The following MTCL1 variants were observed in gnomAD, a reference collection of about 807,000 sequenced individuals.
The protein encoded by MTCL1 is microtubule crosslinking factor 1.
A neutral mutation model predicts 141.4 loss-of-function variants in MTCL1; 79 were observed. The observed-to-expected ratio is 0.56, with a 90% CI of 0.47 to 0.67. The LOEUF is 0.67. Among genes scored for constraint, MTCL1 ranks in the 30% least tolerant of loss-of-function variants. The pLI, the probability that MTCL1 is intolerant of heterozygous loss-of-function variation, is 0.00. For synonymous variants in MTCL1, 914 were observed against 875.8 expected (o/e 1.04, Z -0.77); for missense variants, 2,177 against 2,113.9 (o/e 1.03, Z -0.59).
At position 8,793,043 on chromosome 18, in the gene MTCL1, G is replaced by A. The variant is rs759466224; in HGVS notation, c.1933G>A (p.Glu645Lys). 4 of 1,614,018 alleles carry A rather than the reference G, an allele frequency of 2.5e-6. No individual in the cohort carries two copies. The South Asian group carries it at 4.4e-5, about 18-fold the overall frequency. Residue 645 changes from glutamate (E) to lysine (K), a missense_variant, in exon 8 of 17, where the codon GAG (glutamate) becomes AAG (lysine). Glu to Lys is a moderately conservative substitution (Grantham distance 56). Coordinates refer to ENST00000359865, the Ensembl canonical transcript of MTCL1. The stretch of plus-strand genomic sequence containing the variant: ...ACCTGAGCAGAGTGTATCCATAGAG[G>A]AGCTACAGGGTCAGCTCGTGCAGGC...
intron 7 of MTCL1, chr18:8,789,487 T>C (rs1182960858): frequency 2.0e-6 from 2 of 985,336 alleles, no homozygotes; most frequent in African/African-American, 3.5e-5. Flanking sequence ...TGGGAAGTAA[T>C]TTGTAAGCCA....
chr18:8,780,472 C>T (rs1427722198), intron 5 of MTCL1, among the ~76,000 whole-genome samples: 1 of 152,236 alleles, frequency 6.6e-6, no homozygotes, highest in East Asian at 1.9e-4. Flanking sequence ...GCTGAGTTTC[C>T]TTGCAGCTGG....
chr18:8,749,724 C>T (rs974118537), intron 4 of MTCL1, among the ~76,000 whole-genome samples: 11 of 152,040 alleles, frequency 7.2e-5, no homozygotes, highest in Non-Finnish European at 1.0e-4. Context: ...GGCCCTGGAC[C>T]CCAGCGAACA....
At chr18:8,765,691 G>A (rs2096456638) in intron 4 of MTCL1, among the ~76,000 whole-genome samples, 1 of 152,196 alleles carries the variant, frequency 6.6e-6, no homozygotes, top group African/African-American at 2.4e-5. Context: ...TCTCTTTTGG[G>A]TGGGAGTGAT....
chr18:8,706,315 C>G (rs1476785905), exon 1 of MTCL1: 2 of 1,230,294 alleles, frequency 1.6e-6, no homozygotes, highest in Non-Finnish European at 2.0e-6. Flanking sequence ...CCCCTCCGAA[C>G]CCCTGTCCGA....
intron 4 of MTCL1, among the ~76,000 whole-genome samples, chr18:8,751,175 CTG>C (rs1567976855): frequency 6.6e-6 from 1 of 152,186 alleles, no homozygotes; most frequent in Non-Finnish European, 1.5e-5. Context: ...CAAAAAAGGT[CTG>C]TAAGGCTCAG....
intron 4 of MTCL1, among the ~76,000 whole-genome samples, chr18:8,728,622 G>A (rs935959127): frequency 6.6e-6 from 1 of 150,986 alleles, no homozygotes; most frequent in African/African-American, 2.4e-5. Flanking sequence ...AATAGTGTTC[G>A]ATAGTGAAAT....
intron 5 of MTCL1, among the ~76,000 whole-genome samples, chr18:8,780,264 C>T (rs2096528275): frequency 6.6e-6 from 1 of 152,238 alleles, no homozygotes; most frequent in Admixed American, 6.5e-5. Flanking sequence ...GTCCCTGGTC[C>T]ACACGCCTGT....
At chr18:8,823,619 A>G (rs2076918517) in intron 14 of MTCL1, among the ~76,000 whole-genome samples, 1 of 152,238 alleles carries the variant, frequency 6.6e-6, no homozygotes, top group Admixed American at 6.5e-5. Flanking sequence ...TCAAAGCACC[A>G]CTGGACAGTT....
At position 8,822,082 on chromosome 18, in the gene MTCL1, A is replaced by G. The variant is rs79364251; in HGVS notation, c.3188+584A>G. Among the ~76,000 whole-genome samples, 602 of 152,330 alleles carry G rather than the reference A, an allele frequency of 4.0e-3. 3 individuals are homozygous for G. The highest frequency in any genetic ancestry group is 0.014 in the African/African-American group (578 of 41,564). On this transcript the variant is annotated intron_variant, in intron 14 of 16. Transcript: ENST00000359865. This position sits in a 1 kb window ranked among gnomAD's most constrained non-coding sequence, Gnocchi z 4.6. ...TTCTCAGGCAATTCAGCATTTCCAG[A>G]TCGCCTCATCCTTGATTTTCCTCTG...
chr18:8,783,650 T>G, exon 6 of MTCL1: 1 of 1,613,182 alleles, frequency 6.2e-7, no homozygotes, highest in Non-Finnish European at 8.5e-7. Context: ...GCTCCAGAAG[T>G]ACAAGTCCCT....
At position 8,817,252 on chromosome 18, in the gene MTCL1, C is replaced by CTTTTT. The variant is rs35022661; in HGVS notation, c.2860-1694_2860-1690dup. On this transcript the variant is annotated intron_variant, in intron 12 of 16. Transcript: ENST00000359865. ...TAAATGAACATATAAAAAGCCTTCC[C>CTTTTT]TTTTTTTTTTTTTTTTTTTTTAAAG... is the stretch of plus-strand genomic sequence containing the variant. Among the ~76,000 whole-genome samples the CTTTTT allele has an allele frequency of 2.5e-3, 299 of 118,204 alleles. 4 individuals carry two copies. The highest frequency in any genetic ancestry group is 3.7e-3 in the African/African-American group (116 of 31,382). 77.5% of individuals were successfully genotyped at this position (118,204 alleles called of 152,430 possible).
intron 4 of MTCL1, among the ~76,000 whole-genome samples, chr18:8,767,677 G>T (rs2096465754): frequency 6.6e-6 from 1 of 151,914 alleles, no homozygotes; most frequent in Non-Finnish European, 1.5e-5. Flanking sequence ...GCGGAGCAGA[G>T]GTTTAATGGA....
chr18:8,745,152 A>G (rs2096329258), intron 4 of MTCL1, among the ~76,000 whole-genome samples: 1 of 152,280 alleles, frequency 6.6e-6, no homozygotes, highest in Non-Finnish European at 1.5e-5. Flanking sequence ...CAATCATTAT[A>G]TATAAAAAGA....
intron 4 of MTCL1, among the ~76,000 whole-genome samples, chr18:8,760,980 A>G (rs1027497904): frequency 1.3e-4 from 20 of 152,374 alleles, no homozygotes; most frequent in Admixed American, 1.0e-3. Flanking sequence ...TAGATATGTA[A>G]TAATATAAAA....
chr18:8,759,404 T>G (rs986665173), intron 4 of MTCL1, among the ~76,000 whole-genome samples: 4 of 152,234 alleles, frequency 2.6e-5, no homozygotes, highest in Admixed American at 2.6e-4. Flanking sequence ...TTTCAAAGAC[T>G]GCTGGAACAT....
chr18:8,763,632 G>A (rs1040773418), intron 4 of MTCL1, among the ~76,000 whole-genome samples: 5 of 152,132 alleles, frequency 3.3e-5, no homozygotes, highest in African/African-American at 1.2e-4. Context: ...TTGGTTCAGT[G>A]GTCTCTCTCA....
chr18:8,727,439 A>C (rs2096223102), intron 4 of MTCL1, among the ~76,000 whole-genome samples: 1 of 152,142 alleles, frequency 6.6e-6, no homozygotes, highest in Non-Finnish European at 1.5e-5. Flanking sequence ...TTTTCTCCAT[A>C]TCCATGCCAA....
At position 8,777,919 on chromosome 18, in the gene MTCL1, T is replaced by TA. The variant is rs546674108; in HGVS notation, c.417+28dup. Reference sequence around the variant, plus strand: ...TAAGCAGAGGTTTTCATTCTAATGTTACATCTCCTATAAGTGAAGTCAACT... The same window carrying TA: ...TAAGCAGAGGTTTTCATTCTAATGTTAACATCTCCTATAAGTGAAGTCAACT... On this transcript the variant is annotated intron_variant, in intron 5 of 16. Coordinates refer to ENST00000359865, the Ensembl canonical transcript of MTCL1. The TA allele has an allele frequency of 3.4e-4, 548 of 1,599,464 alleles. 2 individuals carry two copies. The African/African-American group carries it at 6.8e-3, about 20-fold the overall frequency.
Sources: allele counts gnomAD v4.1 joint callset (sites outside exome capture counted in the v4.1 genomes callset), GRCh38; gene constraint gnomAD v4.1.1; non-coding constraint Gnocchi (gnomAD v3.1); transcripts MANE v1.5; gene names NCBI Gene and HGNC (gene_info 2026-07-23, HGNC 2026-07-21).